The following SLC25A13 variants were observed in gnomAD, a reference collection of about 807,000 sequenced individuals.
SLC25A13 encodes solute carrier family 25 member 13.
SLC25A13 carries 70 observed loss-of-function variants against 85.5 expected under a neutral mutation model. That is an observed-to-expected ratio of 0.82 (90% CI 0.68 to 1.00). The LOEUF (loss-of-function observed/expected upper bound fraction) is 1.00, where lower values mean the gene tolerates loss of function less well. Among genes scored for constraint, SLC25A13 ranks in the 50% least tolerant of loss-of-function variants. The pLI, the probability that SLC25A13 is intolerant of heterozygous loss-of-function variation, is 0.00. For missense variants in SLC25A13, 765 were observed against 819.8 expected (o/e 0.93, Z 0.82); for synonymous variants, 259 against 288.7 (o/e 0.90, Z 1.04).
At chr7:96,125,093 T>C (rs1383941146) in intron 15 of SLC25A13, among the ~76,000 whole-genome samples, 1 of 152,146 alleles carries the variant, frequency 6.6e-6, no homozygotes, top group Non-Finnish European at 1.5e-5. Flanking sequence ...TCCTTCTTAA[T>C]TCACTTTTTT....
intron 1 of SLC25A13, among the ~76,000 whole-genome samples, chr7:96,316,314 C>T (rs1326195665): frequency 3.9e-5 from 6 of 152,126 alleles, no homozygotes; most frequent in Admixed American, 6.5e-5. Context: ...ATGACAATTC[C>T]TGTCCTGCAG....
chr7:96,275,048 A>G (rs1259877082), intron 3 of SLC25A13, among the ~76,000 whole-genome samples: 1 of 152,220 alleles, frequency 6.6e-6, no homozygotes, highest in Non-Finnish European at 1.5e-5. Context: ...CTGTGAAGAA[A>G]GTCATTGGTA....
At position 96,121,178 on chromosome 7, in the gene SLC25A13, AGGGCTGATCTTCCTAT is replaced by A; in HGVS notation, c.2025_*12del. 1.2e-6 allele frequency: 2 copies of A among 1,614,002 alleles called. No individual in the cohort carries two copies. Among genetic ancestry groups the A allele is most frequent in the Middle Eastern group, 1.6e-4 (1 of 6,062 alleles). ...ACCCACAAAAAGACAGCACTATCCC[AGGGCTGATCTTCCTAT>A]GGGCCTCCACCAATAGCCTTTGAGG... is the stretch of plus-strand genomic sequence containing the variant. On this transcript the variant is annotated stop_lost and 3_prime_UTR_variant, in exon 18 of 18. Coordinates refer to ENST00000265631, the MANE Select transcript of SLC25A13 (RefSeq NM_014251.3).
intron 3 of SLC25A13, among the ~76,000 whole-genome samples, chr7:96,243,544 T>C (rs1797071702): frequency 6.6e-6 from 1 of 152,148 alleles, no homozygotes; most frequent in South Asian, 2.1e-4. Flanking sequence ...AACACTCATT[T>C]GGTTTTTTTT....
At chr7:96,217,535 A>T (rs1174345195) in intron 4 of SLC25A13, among the ~76,000 whole-genome samples, 1 of 152,166 alleles carries the variant, frequency 6.6e-6, no homozygotes, top group Non-Finnish European at 1.5e-5. Flanking sequence ...ATATCTACAC[A>T]GTGAAATATT....
intron 15 of SLC25A13, among the ~76,000 whole-genome samples, chr7:96,131,015 G>C (rs1018817978): frequency 6.6e-6 from 1 of 152,100 alleles, no homozygotes; most frequent in Admixed American, 6.6e-5. Flanking sequence ...GAATAGCACA[G>C]GTATCAAAAA....
At chr7:96,294,845 A>G (rs574606764) in intron 2 of SLC25A13, among the ~76,000 whole-genome samples, 1 of 152,136 alleles carries the variant, frequency 6.6e-6, no homozygotes, top group African/African-American at 2.4e-5. Context: ...TTTATGTATA[A>G]TCTAAATCTC....
intron 12 of SLC25A13, 98 bp from the exon 13 acceptor site, chr7:96,170,223 T>A: frequency 9.3e-7 from 1 of 1,077,174 alleles, no homozygotes; most frequent in Admixed American, 1.8e-5. Flanking sequence ...TTTTTTTCTA[T>A]CAGTCTATTG....
chr7:96,288,531 G>A (rs995069872), intron 2 of SLC25A13, among the ~76,000 whole-genome samples: 1 of 152,170 alleles, frequency 6.6e-6, no homozygotes, highest in Non-Finnish European at 1.5e-5. Flanking sequence ...CAAGGGAAGG[G>A]GTAACAGACG....
rs142204699 is a variant in SLC25A13, at chr7:96,224,217, A to C, written c.328+10585T>G. 4.6e-5 allele frequency among the ~76,000 whole-genome samples: 7 copies of C among 152,304 alleles called. No individual in the cohort carries two copies. In the East Asian group the frequency reaches 1.3e-3, roughly 29 times the overall value. On this transcript the variant is annotated intron_variant, in intron 4 of 17. Coordinates refer to ENST00000265631, the MANE Select transcript of SLC25A13 (RefSeq NM_014251.3). ...GCTTCACATAGATACTGTGAAGCCT[A>C]AATAATGATCACTGGCATGGTACCC... is the stretch of plus-strand genomic sequence containing the variant.
chr7:96,321,877 G>A (rs1460923726), intron 1 of SLC25A13, 65 bp downstream of exon 1: 2 of 1,484,108 alleles, frequency 1.3e-6, no homozygotes, highest in Non-Finnish European at 1.8e-6. Context: ...GTGAGCGCCC[G>A]AGCCTCTCGC....
chr7:96,314,884 T>C (rs1465942662), intron 1 of SLC25A13, among the ~76,000 whole-genome samples: 1 of 152,142 alleles, frequency 6.6e-6, no homozygotes, highest in Non-Finnish European at 1.5e-5. Context: ...CAACCCTCTA[T>C]TTGCTGTGAA....
At position 96,120,926 on chromosome 7, in the gene SLC25A13, T is replaced by C. The variant is rs1459866713; in HGVS notation, c.*265A>G. 1 of 578,484 alleles carries C rather than the reference T, an allele frequency of 1.7e-6. No individual in the cohort carries two copies. Among genetic ancestry groups the C allele is most frequent in the African/African-American group, 1.8e-5 (1 of 54,596 alleles). The allele number at this position is 578,484 out of a possible 1,614,324, so 35.8% of individuals were successfully genotyped here. ...CTGACTTGCTCCTTTCCCCAAATCA[T>C]GTTAGTGTTGACCAAATCCCATCAA... On this transcript the variant is annotated 3_prime_UTR_variant, in exon 18 of 18. Coordinates refer to ENST00000265631, the MANE Select transcript of SLC25A13 (RefSeq NM_014251.3).
intron 13 of SLC25A13, among the ~76,000 whole-genome samples, chr7:96,160,806 T>C (rs1793478745): frequency 6.6e-6 from 1 of 152,162 alleles, no homozygotes; most frequent in African/African-American, 2.4e-5. Flanking sequence ...TCAGTCCAAG[T>C]TGAAATCATC....
At chr7:96,159,907 C>G (rs1584390277) in intron 13 of SLC25A13, among the ~76,000 whole-genome samples, 1 of 152,128 alleles carries the variant, frequency 6.6e-6, no homozygotes, top group African/African-American at 2.4e-5. Flanking sequence ...TATTAAGTTT[C>G]ATGTTTTCAG....
At chr7:96,132,309 G>C (rs1283624980) in intron 14 of SLC25A13, among the ~76,000 whole-genome samples, 1 of 152,076 alleles carries the variant, frequency 6.6e-6, no homozygotes, top group Admixed American at 6.6e-5. Context: ...TTATACAGGT[G>C]GGGGGAAAAG....
At chr7:96,263,722 A>G (rs1211410458) in intron 3 of SLC25A13, among the ~76,000 whole-genome samples, 1 of 152,050 alleles carries the variant, frequency 6.6e-6, no homozygotes, top group Non-Finnish European at 1.5e-5. Flanking sequence ...TTATCCTTCA[A>G]TATACTGATC....
At chr7:96,127,883 C>T (rs531821838) in intron 15 of SLC25A13, among the ~76,000 whole-genome samples, 3 of 152,208 alleles carry the variant, frequency 2.0e-5, no homozygotes, top group Non-Finnish European at 4.4e-5. Flanking sequence ...CATGTATCCT[C>T]TCCCTAAGAA....
At chr7:96,280,747 C>A (rs1037659479) in intron 2 of SLC25A13, among the ~76,000 whole-genome samples, 5 of 151,896 alleles carry the variant, frequency 3.3e-5, no homozygotes, top group Admixed American at 2.6e-4. Flanking sequence ...CAATGCAATA[C>A]CATGCCATAC....
Sources: gnomAD v4.1 joint callset for allele counts (sites outside exome capture counted in the v4.1 genomes callset) on GRCh38, gnomAD v4.1.1 for gene constraint, MANE v1.5 for transcripts, NCBI Gene and HGNC (gene_info 2026-07-23, HGNC 2026-07-21) for gene names.